CSMD1: variants seen among roughly 807,000 people sequenced by gnomAD.
CSMD1 encodes CUB and sushi domain-containing protein 1.
Under a neutral mutation model 417.5 loss-of-function variants are expected in CSMD1, and 213 were observed. The observed-to-expected ratio is 0.51, with a 90% CI of 0.46 to 0.57. The LOEUF (loss-of-function observed/expected upper bound fraction) is 0.57, where lower values mean the gene tolerates loss of function less well. Among genes scored for constraint, CSMD1 ranks in the 20% least tolerant of loss-of-function variants. The pLI is 0.00. For missense variants in CSMD1, 6,923 were observed against 4,529.7 expected, an observed-to-expected ratio of 1.53 and a Z score of -15.17; for synonymous variants, 2,862 against 1,736.8, an observed-to-expected ratio of 1.65 and a Z score of -16.11.
In CSMD1 at chr8:3,923,790, T is replaced by C. The variant is rs536450176; in HGVS notation, c.818+74113A>G. ...CATTTTCACCTTTTCACCAAGCTCA[T>C]AGTTACCACTGTTCTACTCCCTGCG... On this transcript the variant is annotated intron_variant, in intron 5 of 69. Coordinates refer to ENST00000635120, the MANE Select transcript of CSMD1 (RefSeq NM_033225.6). Among the ~76,000 whole-genome samples the C allele has an allele frequency of 3.9e-5, 6 of 152,332 alleles. No individual in the cohort carries two copies. The South Asian group carries it at 6.2e-4, about 16-fold the overall frequency.
chr8:3,481,453 C>T (rs967772493), intron 11 of CSMD1, among the ~76,000 whole-genome samples: 2 of 152,122 alleles, frequency 1.3e-5, no homozygotes, highest in Non-Finnish European at 2.9e-5. Context: ...AGTGCAGTTT[C>T]CATACTTCAG....
At chr8:2,982,303 C>A (rs1052372674) in intron 54 of CSMD1, among the ~76,000 whole-genome samples, 2 of 152,146 alleles carry the variant, frequency 1.3e-5, no homozygotes, top group Non-Finnish European at 2.9e-5. Flanking sequence ...CTGCAGTGAG[C>A]CGAGATCATG....
chr8:4,857,354 G>T (rs1478645207), intron 1 of CSMD1, among the ~76,000 whole-genome samples: 3 of 151,538 alleles, frequency 2.0e-5, no homozygotes, highest in African/African-American at 4.9e-5. Context: ...ACAATTAAAA[G>T]AATTAGAAAA....
intron 1 of CSMD1, among the ~76,000 whole-genome samples, chr8:4,873,235 T>C (rs1324295859): frequency 6.6e-6 from 1 of 152,132 alleles, no homozygotes; most frequent in East Asian, 1.9e-4. Flanking sequence ...GTGGGAATTT[T>C]GCAGAGGTTT....
intron 52 of CSMD1, among the ~76,000 whole-genome samples, chr8:3,006,776 G>T (rs1189853534): frequency 1.3e-5 from 2 of 151,478 alleles, no homozygotes; most frequent in Non-Finnish European, 2.9e-5. Flanking sequence ...ATCAATTCAA[G>T]ATGGATTAAA....
intron 21 of CSMD1, among the ~76,000 whole-genome samples, chr8:3,357,652 T>C (rs1808881713): frequency 1.3e-5 from 2 of 152,184 alleles, no homozygotes; most frequent in African/African-American, 4.8e-5. Flanking sequence ...CATATCTAGA[T>C]GTCACCTTGA....
chr8:3,354,929 A>ATCTATCTATAGTTATGTCTATC (rs1554523470), intron 21 of CSMD1, among the ~76,000 whole-genome samples: 1 of 149,774 alleles, frequency 6.7e-6, no homozygotes, highest in Non-Finnish European at 1.5e-5. Context: ...CTATCTATAG[A>ATCTATCTATAGTTATGTCTATC]TATAGATATA....
chr8:3,664,692 C>G (rs1798593722), intron 7 of CSMD1, among the ~76,000 whole-genome samples: 1 of 152,200 alleles, frequency 6.6e-6, no homozygotes, highest in Non-Finnish European at 1.5e-5. Context: ...CTGAAAAGAG[C>G]TGGCCCATCA....
intron 39 of CSMD1, among the ~76,000 whole-genome samples, 163 bp downstream of exon 39, chr8:3,157,734 G>T (rs1256616745): frequency 6.6e-6 from 1 of 152,192 alleles, no homozygotes; most frequent in East Asian, 1.9e-4. Flanking sequence ...GAAGGTGCAG[G>T]TTAAACGCAT....
chr8:3,865,588 C>A (rs939106547), intron 5 of CSMD1, among the ~76,000 whole-genome samples: 11 of 152,118 alleles, frequency 7.2e-5, no homozygotes, highest in African/African-American at 2.4e-4. Flanking sequence ...AATTCAGGTG[C>A]CTCTCATCAG....
intron 7 of CSMD1, among the ~76,000 whole-genome samples, chr8:3,649,460 A>C (rs900817167): frequency 1.3e-5 from 2 of 152,194 alleles, no homozygotes; most frequent in African/African-American, 4.8e-5. Flanking sequence ...GAATTGACTC[A>C]CAGTTCATCA....
At chr8:3,939,266 A>T (rs1810712410) in intron 5 of CSMD1, among the ~76,000 whole-genome samples, 1 of 152,172 alleles carries the variant, frequency 6.6e-6, no homozygotes, top group Non-Finnish European at 1.5e-5. Context: ...AAAATGCTCA[A>T]CATCATTAAT....
At chr8:3,687,381 G>A (rs778853215) in intron 7 of CSMD1, among the ~76,000 whole-genome samples, 2 of 152,182 alleles carry the variant, frequency 1.3e-5, no homozygotes, top group Non-Finnish European at 2.9e-5. Context: ...ATGGTGAGCA[G>A]GGATATGGAA....
chr8:3,713,281 T>A (rs35268070), intron 6 of CSMD1, among the ~76,000 whole-genome samples: 50,031 of 152,010 alleles, frequency 0.33, 8,389 homozygotes, highest in East Asian at 0.49. Context: ...AGGTTAAAAC[T>A]CACTTTCTGT....
chr8:4,226,898 G>T (rs542744729), intron 3 of CSMD1, among the ~76,000 whole-genome samples: 2 of 152,156 alleles, frequency 1.3e-5, no homozygotes, highest in Admixed American at 6.5e-5. Flanking sequence ...TGAACGTAAA[G>T]GATTTTTTGT....
At chr8:4,080,389 A>G (rs1193454555) in intron 3 of CSMD1, among the ~76,000 whole-genome samples, 1 of 152,222 alleles carries the variant, frequency 6.6e-6, no homozygotes, top group Non-Finnish European at 1.5e-5. Context: ...AATTCTACAT[A>G]TTGAATTTCC....
chr8:3,167,160 C>G (rs1820276184), intron 37 of CSMD1, among the ~76,000 whole-genome samples: 1 of 152,066 alleles, frequency 6.6e-6, no homozygotes, highest in South Asian at 2.1e-4. Flanking sequence ...TGGCATGTGC[C>G]TGTAATCGCA....
At chr8:2,957,552 G>C in intron 63 of CSMD1, 144 bp downstream of exon 63, 1 of 602,042 alleles carries the variant, frequency 1.7e-6, no homozygotes. Context: ...GCCAGTTCTA[G>C]GGAACCAAAC....
chr8:4,739,027 A>T (rs184253772), intron 1 of CSMD1, among the ~76,000 whole-genome samples: 2 of 152,064 alleles, frequency 1.3e-5, no homozygotes, highest in African/African-American at 4.8e-5. Context: ...TAAAAGTTAA[A>T]GGAATGTAGT....
Sources: allele counts gnomAD v4.1 joint callset (sites outside exome capture counted in the v4.1 genomes callset), GRCh38; gene constraint gnomAD v4.1.1; transcripts MANE v1.5; gene names NCBI Gene and HGNC (gene_info 2026-07-23, HGNC 2026-07-21).